SLC13A4: variants seen among roughly 807,000 people sequenced by gnomAD.
SLC13A4 encodes Na(+)/sulfate cotransporter SUT-1.
A neutral mutation model predicts 72.7 loss-of-function variants in SLC13A4; 28 were observed. The ratio of observed to expected loss-of-function variants is 0.39; its 90% confidence interval spans 0.29 to 0.53. The LOEUF (loss-of-function observed/expected upper bound fraction) is 0.53, where lower values mean the gene tolerates loss of function less well. SLC13A4 is among the 20% of genes least tolerant of loss of function. SLC13A4 has a pLI of 0.78. For missense variants in SLC13A4, 653 were observed against 788.0 expected, an observed-to-expected ratio of 0.83 and a Z score of 2.05; for synonymous variants, 312 against 325.5, an observed-to-expected ratio of 0.96 and a Z score of 0.45.
At chr7:135,706,746 A>G (rs551927278) in intron 3 of SLC13A4, among the ~76,000 whole-genome samples, 1 of 152,302 alleles carries the variant, frequency 6.6e-6, no homozygotes, top group South Asian at 2.1e-4. Context: ...GTCACCATAG[A>G]TATCAGTGAC....
At chr7:135,719,327 TG>T (rs1796494396) in intron 2 of SLC13A4, among the ~76,000 whole-genome samples, 1 of 152,236 alleles carries the variant, frequency 6.6e-6, no homozygotes, top group Non-Finnish European at 1.5e-5. Context: ...TAAGGCATGC[TG>T]TTGGCTTTTG....
intron 3 of SLC13A4, chr7:135,707,467 T>C (rs1478342080): frequency 1.3e-5 from 2 of 152,172 alleles, no homozygotes; most frequent in Non-Finnish European, 2.9e-5. Flanking sequence ...TTGACTCCCA[T>C]AGGAGTCAGG....
At chr7:135,715,228 AGTGT>A (rs1275560347) in intron 2 of SLC13A4, among the ~76,000 whole-genome samples, 1 of 131,970 alleles carries the variant, frequency 7.6e-6, no homozygotes, top group Non-Finnish European at 1.7e-5. Context: ...TGTATATGTG[AGTGT>A]ATGTGTGTAT....
At chr7:135,691,036 C>T (rs1457223172) in intron 13 of SLC13A4, among the ~76,000 whole-genome samples, 165 bp downstream of exon 13, 13 of 152,132 alleles carry the variant, frequency 8.5e-5, no homozygotes, top group South Asian at 2.1e-4. Flanking sequence ...TCATGGTGCA[C>T]GCCTGTAATC....
intron 10 of SLC13A4, 34 bp from the exon 11 acceptor site, chr7:135,692,458 C>A: frequency 6.7e-7 from 1 of 1,488,728 alleles, no homozygotes; most frequent in Non-Finnish European, 9.2e-7. Context: ...CACTCAGGAA[C>A]TGAGAAATTT....
At chr7:135,698,160 G>A (rs544695560) in intron 8 of SLC13A4, among the ~76,000 whole-genome samples, 2 of 151,944 alleles carry the variant, frequency 1.3e-5, no homozygotes, top group South Asian at 4.2e-4. Context: ...AGCCTCCTAA[G>A]TAGCTGGGAT....
intron 2 of SLC13A4, among the ~76,000 whole-genome samples, chr7:135,718,544 G>C (rs1364879852): frequency 6.6e-6 from 1 of 152,064 alleles, no homozygotes; most frequent in African/African-American, 2.4e-5. Flanking sequence ...TCTATGAAAA[G>C]TTTATATCTG....
Position 135,727,912 on chromosome 7 carries a change from C to A in SLC13A4, c.-416G>T, listed in dbSNP as rs1231551313. 3 of 159,950 alleles carry A rather than the reference C, an allele frequency of 1.9e-5. No homozygotes were observed. Among genetic ancestry groups the A allele is most frequent in the East Asian group, 1.8e-4 (1 of 5,614 alleles). The allele number at this position is 159,950 out of a possible 1,614,324, so 9.9% of individuals were successfully genotyped here. A position where few individuals can be genotyped will look rare whatever the true frequency, so the allele number is the denominator to read the frequency against. ...TTTAAAAGCTTAAAAACATTAAAAA[C>A]GCTCAGAGCACATTGTGCTCTCCAT... On this transcript the variant is annotated 5_prime_UTR_variant, in exon 1 of 16. Transcript: ENST00000682651.
At chr7:135,720,576 C>T (rs202235685) in intron 2 of SLC13A4, among the ~76,000 whole-genome samples, 5 of 136,266 alleles carry the variant, frequency 3.7e-5, no homozygotes, top group Non-Finnish European at 8.0e-5. Context: ...AAAAAAAAAC[C>T]AAAAACAAAA....
At chr7:135,701,918 G>C (rs1033867052) in intron 6 of SLC13A4, 158 bp from the exon 7 acceptor site, 35 of 604,624 alleles carry the variant, frequency 5.8e-5, no homozygotes, top group Middle Eastern at 4.4e-4. Flanking sequence ...GGGCACCTCA[G>C]CCAGGCCTGC....
At chr7:135,705,712 G>A (rs1796145445) in intron 4 of SLC13A4, 62 bp from the exon 5 acceptor site, 1 of 1,470,724 alleles carries the variant, frequency 6.8e-7, no homozygotes, top group African/African-American at 1.4e-5. Flanking sequence ...CCTGTGGGTT[G>A]GAGCATAGCT....
At chr7:135,708,353 C>T in intron 2 of SLC13A4, 103 bp from the exon 3 acceptor site, 2 of 1,500,130 alleles carry the variant, frequency 1.3e-6, no homozygotes, top group Admixed American at 2.0e-5. Flanking sequence ...TGTTCTCAAT[C>T]AAAGAGGCTG....
chr7:135,715,364 TG>T (rs1389482408), intron 2 of SLC13A4, among the ~76,000 whole-genome samples: 9 of 106,470 alleles, frequency 8.5e-5, no homozygotes, highest in Admixed American at 4.2e-4. Context: ...TATGAGTGTA[TG>T]TGTATGAGTG....
At chr7:135,703,226 T>G in intron 5 of SLC13A4, 1 of 269,250 alleles carries the variant, frequency 3.7e-6, no homozygotes, top group South Asian at 6.0e-5. Flanking sequence ...AGATCTATGG[T>G]CCTGGCATTC....
At chr7:135,699,187 C>T (rs1310349175) in intron 8 of SLC13A4, among the ~76,000 whole-genome samples, 177 bp downstream of exon 8, 4 of 152,190 alleles carry the variant, frequency 2.6e-5, no homozygotes, top group Non-Finnish European at 4.4e-5. Context: ...GCAATCCCCC[C>T]GCTTTGCCCT....
intron 9 of SLC13A4, 57 bp downstream of exon 9, chr7:135,695,311 G>A: frequency 6.2e-7 from 1 of 1,607,928 alleles, no homozygotes; most frequent in Non-Finnish European, 8.5e-7. Flanking sequence ...CCCATGCCAT[G>A]GCCTTTGGAT....
At chr7:135,682,947 G>A (rs78849946) in intron 15 of SLC13A4, among the ~76,000 whole-genome samples, 450 of 152,200 alleles carry the variant, frequency 3.0e-3, no homozygotes, top group Non-Finnish European at 5.7e-3. Context: ...GGATGGCTGG[G>A]ACACTCCATT....
chr7:135,681,721 CA>C, intron 15 of SLC13A4, 21 bp from the exon 16 acceptor site: 1 of 1,608,214 alleles, frequency 6.2e-7, no homozygotes, highest in Non-Finnish European at 8.5e-7. Flanking sequence ...CAAACCAGCA[CA>C]CCCTAGTCAC....
At position 135,705,653 on chromosome 7, in the gene SLC13A4, A is replaced by T; in HGVS notation, c.539-3T>A. ...TTGGCTGTTCTTTACATCCAGACCT[A>T]TGAGTAGCAAAGAAAAGCAGTATGT... On this transcript the variant is annotated splice_region_variant and splice_polypyrimidine_tract_variant and intron_variant, in intron 4 of 15. Transcript: ENST00000682651. 3 of 1,613,830 alleles carry T rather than the reference A, an allele frequency of 1.9e-6. No individual in the cohort carries two copies. The highest frequency in any genetic ancestry group is 2.5e-6 in the Non-Finnish European group (3 of 1,179,718).
Sources: allele counts gnomAD v4.1 joint callset (sites outside exome capture counted in the v4.1 genomes callset), GRCh38; gene constraint gnomAD v4.1.1; transcripts MANE v1.5; gene names NCBI Gene and HGNC (gene_info 2026-07-23, HGNC 2026-07-21).